Variants in POLG2 observed in about 807,000 individuals in gnomAD.
POLG2 encodes the protein DNA polymerase subunit gamma-2.
A neutral mutation model predicts 56.5 loss-of-function variants in POLG2; 50 were observed. That is an observed-to-expected ratio of 0.88 (90% CI 0.71 to 1.12). The LOEUF is 1.12. Among genes scored for constraint, POLG2 ranks in the 50% most tolerant of loss-of-function variants. The pLI, the probability that POLG2 is intolerant of heterozygous loss-of-function variation, is 0.00. For synonymous variants in POLG2, 226 were observed against 222.6 expected (o/e 1.02, Z -0.14); for missense variants, 584 against 583.3 (o/e 1.00, Z -0.01).
intron 3 of POLG2, chr17:64,491,858 G>T (rs1445260312): frequency 1.3e-5 from 4 of 302,154 alleles, no homozygotes; most frequent in East Asian, 9.8e-5. Context: ...ACACAATCTC[G>T]ATTGTTGCTG....
intron 5 of POLG2, chr17:64,483,959 C>T (rs2037908571): frequency 6.6e-6 from 1 of 152,194 alleles, no homozygotes; most frequent in South Asian, 2.1e-4. Context: ...GAATGATCCA[C>T]CCACCTTGGC....
At chr17:64,486,995 T>A (rs1042868103) in intron 4 of POLG2, 1 of 152,230 alleles carries the variant, frequency 6.6e-6, no homozygotes, top group Admixed American at 6.5e-5. Flanking sequence ...CACTTTCATC[T>A]TTCTTTTTTT....
chr17:64,496,618 C>G lies in POLG2; in HGVS notation c.351G>C (p.Ser117=), dbSNP rs1181379816. The G allele has an allele frequency of 1.5e-5, 25 of 1,613,882 alleles. No individual in the cohort carries two copies. The highest frequency in any genetic ancestry group is 1.9e-5 in the Non-Finnish European group (23 of 1,179,944). Residue 117 remains serine (S), a synonymous_variant, in exon 1 of 8, where the codon TCG becomes TCC. Transcript: ENST00000539111. ...RKNLAAEWWT[S]VVVFREQVFP... Reference sequence around the variant, plus strand: ...ATACCTGCTCCCTGAACACCACCACCGAGGTCCACCATTCTGCGGCCAGGT... The same window carrying G: ...ATACCTGCTCCCTGAACACCACCACGGAGGTCCACCATTCTGCGGCCAGGT...
Position 64,483,281 on chromosome 17 carries a change from A to G in POLG2, c.1111-282T>C, listed in dbSNP as rs908082533. Among the ~76,000 whole-genome samples the G allele has an allele frequency of 2.0e-5, 3 of 152,150 alleles. No homozygotes were observed. In the East Asian group the frequency reaches 5.8e-4, roughly 29 times the overall value. On this transcript the variant is annotated intron_variant, in intron 5 of 7. Coordinates refer to ENST00000539111, the MANE Select transcript of POLG2 (RefSeq NM_007215.4). ...ATAATTCCAGCACTTTGGGAGGCTGAGGCAGGTGGATTCCTTGAGCTCAGG... is the reference window on the plus strand; with the variant it reads ...ATAATTCCAGCACTTTGGGAGGCTGGGGCAGGTGGATTCCTTGAGCTCAGG...
intron 5 of POLG2, among the ~76,000 whole-genome samples, chr17:64,484,769 A>G (rs919036218): frequency 6.6e-6 from 1 of 152,220 alleles, no homozygotes; most frequent in Admixed American, 6.5e-5. Flanking sequence ...AGACTTCTCT[A>G]TGGTTATAGC....
rs782537705 is a variant in POLG2, at chr17:64,477,932, T to C, written c.1349A>G (p.Asn450Ser). The C allele has an allele frequency of 6.2e-7, 1 of 1,614,040 alleles. No homozygotes were observed. Residue 450 changes from asparagine (N) to serine (S), a missense_variant, in exon 8 of 8, where the codon AAT (asparagine) becomes AGT (serine). Physicochemically the swap from Asn to Ser is conservative, Grantham distance 46 (BLOSUM62 1). Transcript: ENST00000539111. ...TCTGCTTCTCAGATGTATTAATCCATTCTCCAAAGTAGTTTCAGTAACCAA... is the reference window on the plus strand; with the variant it reads ...TCTGCTTCTCAGATGTATTAATCCACTCTCCAAAGTAGTTTCAGTAACCAA... ...TVLVTETTLE[N>S]GLIHLRSRDT...
intron 7 of POLG2, among the ~76,000 whole-genome samples, chr17:64,479,768 G>C (rs2037827433): frequency 1.3e-5 from 2 of 152,186 alleles, no homozygotes; most frequent in Non-Finnish European, 2.9e-5. Flanking sequence ...GAAGCAAGCT[G>C]ACAGCATTTG....
chr17:64,482,185 C>T (rs2037872262), intron 6 of POLG2, among the ~76,000 whole-genome samples: 3 of 147,416 alleles, frequency 2.0e-5, no homozygotes, highest in Non-Finnish European at 4.5e-5. Context: ...CTCACTGCAA[C>T]CTCCACCTCC....
intron 3 of POLG2, chr17:64,491,624 T>C (rs2038059806): frequency 1.3e-6 from 2 of 1,516,928 alleles, no homozygotes; most frequent in African/African-American, 1.4e-5. Context: ...CTAGTGGCCT[T>C]GATGGAGCGT....
intron 4 of POLG2, among the ~76,000 whole-genome samples, chr17:64,489,090 G>A (rs2038011019): frequency 6.8e-6 from 1 of 146,962 alleles, no homozygotes. Context: ...CAGCAGCACA[G>A]TCTTGGCTCA....
At chr17:64,491,820 C>G in intron 3 of POLG2, 1 of 456,580 alleles carries the variant, frequency 2.2e-6, no homozygotes, top group Admixed American at 3.2e-5. Flanking sequence ...CCCCAGCAAC[C>G]TTCTTGGCTG....
At chr17:64,496,330 C>T in intron 1 of POLG2, 77 bp downstream of exon 1, 1 of 926,152 alleles carries the variant, frequency 1.1e-6, no homozygotes, top group Non-Finnish European at 1.7e-6. Context: ...GGGCCAGTTG[C>T]AATCCCCAAG....
In POLG2 at chr17:64,491,949, A is replaced by C. The variant is rs547661021; in HGVS notation, c.795+718T>G. ...GTGAAAAAAAAAAAACAAAAAAAAAACCAAAAACAGACAACAAAAATAAAA... is the reference window on the plus strand; with the variant it reads ...GTGAAAAAAAAAAAACAAAAAAAAACCCAAAAACAGACAACAAAAATAAAA... On this transcript the variant is annotated intron_variant, in intron 3 of 7. Transcript: ENST00000539111. Among the ~76,000 whole-genome samples the C allele has an allele frequency of 7.2e-5, 11 of 151,968 alleles. No individual in the cohort carries two copies. In the East Asian group the frequency reaches 9.7e-4, roughly 13 times the overall value.
chr17:64,494,789 G>GAAA (rs2038121848), intron 1 of POLG2, among the ~76,000 whole-genome samples: 1 of 152,090 alleles, frequency 6.6e-6, no homozygotes, highest in East Asian at 1.9e-4. Context: ...TTGCTTTTTA[G>GAAA]CACCATAAAG....
intron 3 of POLG2, chr17:64,491,508 T>C: frequency 6.7e-7 from 1 of 1,484,208 alleles, no homozygotes; most frequent in South Asian, 1.1e-5. Context: ...AGACTATGTC[T>C]CTAAAAAAAC....
At chr17:64,481,125 C>T in intron 6 of POLG2, 1 of 286,662 alleles carries the variant, frequency 3.5e-6, no homozygotes, top group Non-Finnish European at 5.2e-6. Context: ...CAGGAGAGGC[C>T]TGCAGCACCC....
intron 5 of POLG2, among the ~76,000 whole-genome samples, chr17:64,484,462 C>T (rs184920506): frequency 2.0e-5 from 3 of 152,242 alleles, no homozygotes; most frequent in Admixed American, 6.5e-5. Flanking sequence ...AAGAGGGCTT[C>T]GGTTTTTCCT....
At chr17:64,483,526 AAAC>A (rs1421282094) in intron 5 of POLG2, among the ~76,000 whole-genome samples, 1 of 151,176 alleles carries the variant, frequency 6.6e-6, no homozygotes, top group Non-Finnish European at 1.5e-5. Flanking sequence ...AAAAAAAAAA[AAAC>A]AAATTAACTT....
chr17:64,492,658 T>G lies in POLG2; in HGVS notation c.795+9A>C. 4 of 1,512,306 alleles carry G rather than the reference T, an allele frequency of 2.6e-6. No individual in the cohort carries two copies. The highest frequency in any genetic ancestry group is 3.7e-6 in the Non-Finnish European group (4 of 1,089,300). 93.7% of individuals were successfully genotyped at this position (1,512,306 alleles called of 1,614,324 possible). The stretch of plus-strand genomic sequence containing the variant: ...TTAACTATTAAATTAAAGGTAATTA[T>G]TGCAGTACCTTTCTCCACCACTGGA... On this transcript the variant is annotated intron_variant, in intron 3 of 7. Coordinates refer to ENST00000539111, the MANE Select transcript of POLG2 (RefSeq NM_007215.4).
Sources: gnomAD v4.1 joint callset for allele counts (sites outside exome capture counted in the v4.1 genomes callset) on GRCh38, gnomAD v4.1.1 for gene constraint, MANE v1.5 for transcripts, NCBI Gene and HGNC (gene_info 2026-07-23, HGNC 2026-07-21) for gene names.